GHR: variants seen among roughly 807,000 people sequenced by gnomAD.
The protein encoded by GHR is growth hormone receptor.
Under a neutral mutation model 67.1 loss-of-function variants are expected in GHR, and 35 were observed. That is an observed-to-expected ratio of 0.52 (90% CI 0.40 to 0.69). The LOEUF (loss-of-function observed/expected upper bound fraction) is 0.69. Among genes scored for constraint, GHR ranks in the 30% least tolerant of loss-of-function variants. The pLI, the probability that GHR is intolerant of heterozygous loss-of-function variation, is 0.00. For synonymous variants in GHR, 272 were observed against 269.1 expected (o/e 1.01, Z -0.10); for missense variants, 792 against 764.6 (o/e 1.04, Z -0.42).
At chr5:42,658,431 A>C (rs1755376904) in intron 3 of GHR, among the ~76,000 whole-genome samples, 1 of 152,210 alleles carries the variant, frequency 6.6e-6, no homozygotes, top group South Asian at 2.1e-4. Flanking sequence ...ACTCCACAGA[A>C]GAGTTGTGAA....
chr5:42,667,152 C>G (rs985339542), intron 3 of GHR, among the ~76,000 whole-genome samples: 2 of 152,202 alleles, frequency 1.3e-5, no homozygotes, highest in African/African-American at 4.8e-5. Context: ...CCCTGTAACA[C>G]AGCCGTGAGC....
intron 1 of GHR, among the ~76,000 whole-genome samples, chr5:42,532,918 C>G (rs1277719567): frequency 6.6e-6 from 1 of 152,016 alleles, no homozygotes; most frequent in African/African-American, 2.4e-5. Flanking sequence ...ACATTTCCCT[C>G]AGGGTGCATG....
chr5:42,524,944 C>T (rs776059589), intron 1 of GHR, among the ~76,000 whole-genome samples: 35 of 152,316 alleles, frequency 2.3e-4, no homozygotes, highest in Admixed American at 9.1e-4. Flanking sequence ...GCCTAGATTT[C>T]GGAAGATGTA....
At chr5:42,709,804 T>C (rs572102123) in intron 6 of GHR, among the ~76,000 whole-genome samples, 3 of 152,100 alleles carry the variant, frequency 2.0e-5, no homozygotes, top group Non-Finnish European at 4.4e-5. Context: ...TAGACTTGGA[T>C]GAGAAACAGT....
At chr5:42,643,712 C>A (rs1580114124) in intron 3 of GHR, among the ~76,000 whole-genome samples, 1 of 145,686 alleles carries the variant, frequency 6.9e-6, no homozygotes. Context: ...CAAGATAATA[C>A]ATTATGCCTT....
chr5:42,561,397 T>C (rs1314528406), intron 1 of GHR, among the ~76,000 whole-genome samples: 1 of 152,240 alleles, frequency 6.6e-6, no homozygotes, highest in Admixed American at 6.5e-5. Context: ...GTTTAACAAA[T>C]ACTTGCTAAT....
intron 2 of GHR, among the ~76,000 whole-genome samples, chr5:42,593,012 A>T (rs76160445): frequency 0.01 from 1,587 of 152,202 alleles, 27 homozygotes; most frequent in African/African-American, 0.036. Context: ...GTATTTTTTC[A>T]TATGCTTATT....
chr5:42,585,728 A>C (rs1751441493), intron 2 of GHR, among the ~76,000 whole-genome samples: 2 of 152,328 alleles, frequency 1.3e-5, no homozygotes, highest in Middle Eastern at 3.4e-3. Context: ...AAGATGCATA[A>C]AATACTCAGT....
chr5:42,604,017 C>T (rs934511849), intron 2 of GHR, among the ~76,000 whole-genome samples: 1 of 152,134 alleles, frequency 6.6e-6, no homozygotes. Flanking sequence ...GAAACACTTG[C>T]TTATGTTTAT....
intron 3 of GHR, among the ~76,000 whole-genome samples, chr5:42,653,740 G>C (rs1388011732): frequency 6.6e-6 from 1 of 152,048 alleles, no homozygotes; most frequent in Non-Finnish European, 1.5e-5. Context: ...TGCTCTAGGG[G>C]GATATTAAGC....
chr5:42,679,792 A>G (rs1260914279), intron 3 of GHR, among the ~76,000 whole-genome samples: 1 of 152,152 alleles, frequency 6.6e-6, no homozygotes, highest in Non-Finnish European at 1.5e-5. Context: ...AGTTTTGAGA[A>G]TGAACACTTT....
intron 2 of GHR, among the ~76,000 whole-genome samples, chr5:42,572,063 G>A (rs1439432924): frequency 5.3e-5 from 8 of 152,156 alleles, no homozygotes; most frequent in Non-Finnish European, 5.9e-5. Flanking sequence ...TTTTCCCAAG[G>A]AAAACCATCT....
intron 1 of GHR, chr5:42,467,360 C>T (rs1744776580): frequency 2.0e-6 from 2 of 1,005,382 alleles, no homozygotes; most frequent in Non-Finnish European, 3.2e-6. Flanking sequence ...TGCGTAAAGG[C>T]TTTGCCAGAA....
chr5:42,565,062 G>A (rs902479028), intron 1 of GHR, among the ~76,000 whole-genome samples: 11 of 152,132 alleles, frequency 7.2e-5, no homozygotes, highest in African/African-American at 2.7e-4. Flanking sequence ...AAGGTGTATG[G>A]TCACTGAGGT....
chr5:42,589,386 T>A (rs2112587593), intron 2 of GHR, among the ~76,000 whole-genome samples: 1 of 152,320 alleles, frequency 6.6e-6, no homozygotes, highest in East Asian at 1.9e-4. Flanking sequence ...ATTAATACAT[T>A]CCCTCAATAG....
At chr5:42,475,956 G>A (rs1465189854) in intron 1 of GHR, among the ~76,000 whole-genome samples, 1 of 150,324 alleles carries the variant, frequency 6.7e-6, no homozygotes, top group African/African-American at 2.5e-5. Context: ...CCAGGCTGGA[G>A]TGCAGTGGCG....
intron 2 of GHR, among the ~76,000 whole-genome samples, chr5:42,569,796 G>A (rs1433313771): frequency 1.3e-5 from 2 of 152,082 alleles, no homozygotes; most frequent in African/African-American, 2.4e-5. Flanking sequence ...CCAGTGAGGT[G>A]TGGCTTGCAG....
chr5:42,461,701 A>G (rs147366719), intron 1 of GHR, among the ~76,000 whole-genome samples: 1 of 152,330 alleles, frequency 6.6e-6, no homozygotes, highest in Non-Finnish European at 1.5e-5. Context: ...GCACTTTGGC[A>G]GCCAGTTGTG....
intron 1 of GHR, among the ~76,000 whole-genome samples, chr5:42,438,411 C>T (rs1011727424): frequency 1.3e-5 from 2 of 152,134 alleles, no homozygotes; most frequent in African/African-American, 2.4e-5. Flanking sequence ...TAATTCCCCC[C>T]GTCCATTGAA....
Sources: allele counts gnomAD v4.1 joint callset (sites outside exome capture counted in the v4.1 genomes callset), GRCh38; gene constraint gnomAD v4.1.1; transcripts MANE v1.5; gene names NCBI Gene and HGNC (gene_info 2026-07-23, HGNC 2026-07-21).